MAP4K4: variants seen among roughly 807,000 people sequenced by gnomAD.
MAP4K4 encodes HPK/GCK-like kinase HGK.
In MAP4K4, 38 loss-of-function variants were observed where a neutral mutation model predicts 189.6. The observed-to-expected ratio is 0.20, with a 90% CI of 0.15 to 0.26. The LOEUF is 0.26. MAP4K4 is among the 10% of genes least tolerant of loss of function. MAP4K4 has a pLI of 1.00. For synonymous variants in MAP4K4, 610 were observed against 624.3 expected (o/e 0.98, Z 0.34); for missense variants, 1,054 against 1,726.9 (o/e 0.61, Z 6.91).
intron 3 of MAP4K4, among the ~76,000 whole-genome samples, chr2:101,806,553 T>A (rs1288500853): frequency 6.6e-6 from 1 of 152,136 alleles, no homozygotes; most frequent in Non-Finnish European, 1.5e-5. Context: ...TTTTTATATA[T>A]ATTTTTAGTA....
chr2:101,864,978 TC>T lies in MAP4K4; in HGVS notation c.2150del (p.Pro717HisfsTer68). On this transcript the variant is annotated frameshift_variant, in exon 18 of 33. Transcript: ENST00000324219. LOFTEE classifies it high-confidence loss of function. ...CTCCCCTGTTCTGTCCCGTCGAGATTCCCCACTGCAGGGCAGTGGGCAGCAG... is the reference window on the plus strand; with the variant it reads ...CTCCCCTGTTCTGTCCCGTCGAGATTCCCACTGCAGGGCAGTGGGCAGCAG... 1.3e-6 allele frequency: 2 copies of T among 1,580,566 alleles called. No homozygotes were observed. The highest frequency in any genetic ancestry group is 3.6e-5 in the Admixed American group (2 of 55,276).
At chr2:101,697,962 G>A in exon 1 of MAP4K4, 4 of 503,780 alleles carry the variant, frequency 7.9e-6, no homozygotes, top group South Asian at 6.2e-5. Flanking sequence ...CGCGAGGAGA[G>A]TACCGGGCCG....
At chr2:101,883,126 G>C (rs1454422453) in intron 28 of MAP4K4, among the ~76,000 whole-genome samples, 1 of 152,178 alleles carries the variant, frequency 6.6e-6, no homozygotes, top group Non-Finnish European at 1.5e-5. Flanking sequence ...GAGGTCCTTG[G>C]CAGGCACTGA....
At chr2:101,875,731 A>G (rs1012591603) in intron 26 of MAP4K4, among the ~76,000 whole-genome samples, 2 of 152,210 alleles carry the variant, frequency 1.3e-5, no homozygotes, top group African/African-American at 4.8e-5. Flanking sequence ...GCTACATGTT[A>G]CAAAGGTGAT....
chr2:101,833,778 AATTT>A (rs1300834925), intron 7 of MAP4K4, among the ~76,000 whole-genome samples: 2 of 152,196 alleles, frequency 1.3e-5, no homozygotes, highest in Non-Finnish European at 2.9e-5. Context: ...TCAAATTTTA[AATTT>A]AGTATTTCAG....
At chr2:101,759,087 C>G (rs978020516) in intron 2 of MAP4K4, among the ~76,000 whole-genome samples, 1 of 150,094 alleles carries the variant, frequency 6.7e-6, no homozygotes, top group Non-Finnish European at 1.5e-5. Flanking sequence ...GAGCCGAGAT[C>G]GCGTCACTGC....
intron 27 of MAP4K4, among the ~76,000 whole-genome samples, chr2:101,881,003 T>G (rs541131602): frequency 2.6e-5 from 4 of 152,190 alleles, no homozygotes; most frequent in Non-Finnish European, 5.9e-5. Flanking sequence ...CTTATTGATA[T>G]GTACAAAATA....
intron 8 of MAP4K4, among the ~76,000 whole-genome samples, chr2:101,834,711 T>C (rs1009591894): frequency 6.6e-6 from 1 of 152,244 alleles, no homozygotes; most frequent in East Asian, 1.9e-4. Flanking sequence ...TGTACTCACA[T>C]GTGTGACCTG....
At chr2:101,699,816 G>A (rs958227292) in intron 2 of MAP4K4, among the ~76,000 whole-genome samples, 3 of 152,150 alleles carry the variant, frequency 2.0e-5, no homozygotes, top group African/African-American at 7.2e-5. Flanking sequence ...CTTGTGTTTT[G>A]TTGGTTAACT....
At chr2:101,740,028 G>A (rs1320054432) in intron 2 of MAP4K4, among the ~76,000 whole-genome samples, 1 of 152,118 alleles carries the variant, frequency 6.6e-6, no homozygotes, top group East Asian at 1.9e-4. Flanking sequence ...TTTTGGACAT[G>A]TTGACCACAG....
At chr2:101,859,061 C>T in exon 14 of MAP4K4, 3 of 1,611,280 alleles carry the variant, frequency 1.9e-6, no homozygotes, top group Non-Finnish European at 2.5e-6. Context: ...AGCAGCTGCT[C>T]CAGGAGCAGG....
intron 2 of MAP4K4, among the ~76,000 whole-genome samples, chr2:101,769,511 T>G (rs1157064180): frequency 6.6e-6 from 1 of 152,198 alleles, no homozygotes; most frequent in African/African-American, 2.4e-5. Flanking sequence ...TTATTTGAAG[T>G]GAATTCAATT....
intron 2 of MAP4K4, among the ~76,000 whole-genome samples, chr2:101,728,512 A>G (rs1351426577): frequency 3.3e-5 from 5 of 152,082 alleles, no homozygotes; most frequent in Non-Finnish European, 5.9e-5. Context: ...TTTTATAGTA[A>G]CACTTTTTTT....
intron 3 of MAP4K4, among the ~76,000 whole-genome samples, chr2:101,803,230 T>TTGATGA (rs201605383): frequency 8.3e-5 from 12 of 144,502 alleles, no homozygotes; most frequent in African/African-American, 2.6e-4. Flanking sequence ...ATATGCTTGG[T>TTGATGA]TGATGATGAT....
chr2:101,739,265 G>A (rs2061646408), intron 2 of MAP4K4, among the ~76,000 whole-genome samples: 1 of 152,156 alleles, frequency 6.6e-6, no homozygotes, highest in African/African-American at 2.4e-5. Flanking sequence ...GTTCCCAAAG[G>A]TGTTACTTCT....
intron 7 of MAP4K4, among the ~76,000 whole-genome samples, chr2:101,833,478 G>A (rs2096649131): frequency 6.6e-6 from 1 of 152,034 alleles, no homozygotes; most frequent in African/African-American, 2.4e-5. Flanking sequence ...AAATTAGCCG[G>A]GCATGGTGGC....
chr2:101,873,988 A>G, intron 25 of MAP4K4, 94 bp from the exon 26 acceptor site: 1 of 1,108,074 alleles, frequency 9.0e-7, no homozygotes, highest in South Asian at 1.5e-5. Flanking sequence ...TGTTGGTTAT[A>G]CCACATGAAT....
intron 15 of MAP4K4, 83 bp downstream of exon 15, chr2:101,859,947 A>C (rs988868236): frequency 7.5e-7 from 1 of 1,333,954 alleles, no homozygotes. Flanking sequence ...TGAGTTCTAG[A>C]ACGGGCCATA....
intron 24 of MAP4K4, among the ~76,000 whole-genome samples, chr2:101,872,412 T>C (rs547091708): frequency 2.0e-5 from 3 of 152,328 alleles, no homozygotes; most frequent in East Asian, 1.9e-4. Context: ...GTGCTCGGTC[T>C]GGGTGTTAGC....
Sources: gnomAD v4.1 joint callset for allele counts (sites outside exome capture counted in the v4.1 genomes callset) on GRCh38, gnomAD v4.1.1 for gene constraint, MANE v1.5 for transcripts, NCBI Gene and HGNC (gene_info 2026-07-23, HGNC 2026-07-21) for gene names.